RANBP2: variants seen among roughly 807,000 people sequenced by gnomAD.
RANBP2 encodes the protein RAN binding protein 2, also known as E3 SUMO-protein ligase RanBP2.
A neutral mutation model predicts 303.6 loss-of-function variants in RANBP2; 57 were observed. The observed-to-expected ratio is 0.19, with a 90% CI of 0.15 to 0.23. RANBP2 has a LOEUF of 0.23. RANBP2 is among the 10% of genes least tolerant of loss of function. The pLI is 1.00. For synonymous variants in RANBP2, 1,167 were observed against 1,301.5 expected, an observed-to-expected ratio of 0.90 and a Z score of 2.23; for missense variants, 3,138 against 3,780.8, an observed-to-expected ratio of 0.83 and a Z score of 4.46.
At position 108,719,504 on chromosome 2, in the gene RANBP2, G is replaced by T; in HGVS notation, c.-103G>T. 6.6e-7 allele frequency: 1 copy of T among 1,526,626 alleles called. No homozygotes were observed. The highest frequency in any genetic ancestry group is 8.8e-7 in the Non-Finnish European group (1 of 1,133,444). 94.6% of individuals were successfully genotyped at this position (1,526,626 alleles called of 1,614,324 possible). ...GTCACAGTGGTCCTCCGCCGGCTACGGCGCTGCGTCACTGGTTTGCAGGCG... is the reference window on the plus strand; with the variant it reads ...GTCACAGTGGTCCTCCGCCGGCTACTGCGCTGCGTCACTGGTTTGCAGGCG... On this transcript the variant is annotated 5_prime_UTR_variant, in exon 1 of 29. Coordinates refer to ENST00000283195, the MANE Select transcript of RANBP2 (RefSeq NM_006267.5).
the RANBP2 span, among the ~76,000 whole-genome samples, chr2:109,240,856 CT>C: frequency 6.6e-6 from 1 of 150,526 alleles, no homozygotes; most frequent in African/African-American, 2.5e-5. Context: ...ACCCCCACCC[CT>C]GCCCTTGGGA....
At chr2:109,375,306 A>T in the RANBP2 span, among the ~76,000 whole-genome samples, 3,898 of 152,270 alleles carry the variant, frequency 0.026, 116 homozygotes, top group African/African-American at 0.063. Context: ...TGCAAAAGGA[A>T]GTGAGAAACT....
the RANBP2 span, among the ~76,000 whole-genome samples, chr2:109,480,677 G>C: frequency 6.6e-6 from 1 of 152,184 alleles, no homozygotes; most frequent in Admixed American, 6.5e-5. Context: ...GGCATGTGGA[G>C]GGGTGGAGCA....
chr2:109,057,171 A>G, the RANBP2 span, among the ~76,000 whole-genome samples: 2 of 152,184 alleles, frequency 1.3e-5, no homozygotes, highest in African/African-American at 2.4e-5. Flanking sequence ...TGAGAATGTC[A>G]TTATGCATAA....
the RANBP2 span, among the ~76,000 whole-genome samples, chr2:109,154,414 TC>T: frequency 6.6e-6 from 1 of 152,196 alleles, no homozygotes. Flanking sequence ...GCTGCCATTG[TC>T]TGCCAGTGTT....
At chr2:109,514,361 C>T in the RANBP2 span, among the ~76,000 whole-genome samples, 2 of 152,144 alleles carry the variant, frequency 1.3e-5, no homozygotes, top group African/African-American at 4.8e-5. Context: ...AACGCAGCCC[C>T]GGGTGTGCGA....
At chr2:109,522,443 C>T in the RANBP2 span, among the ~76,000 whole-genome samples, 2 of 152,180 alleles carry the variant, frequency 1.3e-5, no homozygotes, top group South Asian at 2.1e-4. Flanking sequence ...ATTACAGGCA[C>T]CTGCCACCAT....
At chr2:109,024,326 T>G in the RANBP2 span, among the ~76,000 whole-genome samples, 1,027 of 152,312 alleles carry the variant, frequency 6.7e-3, 28 homozygotes, top group East Asian at 0.078. Context: ...CCTTATTCTA[T>G]AAAAAGACAA....
the RANBP2 span, chr2:109,437,153 T>A: frequency 1.2e-6 from 2 of 1,604,682 alleles, no homozygotes; most frequent in African/African-American, 2.7e-5. Flanking sequence ...ACAGGTACCT[T>A]CACAGGGGCC....
chr2:109,546,518 G>A, the RANBP2 span, among the ~76,000 whole-genome samples: 10 of 151,358 alleles, frequency 6.6e-5, no homozygotes, highest in African/African-American at 1.2e-4. Context: ...TTATTTTCTC[G>A]GTGTGTATTT....
the RANBP2 span, among the ~76,000 whole-genome samples, chr2:109,125,000 A>T: frequency 2.0e-5 from 3 of 152,374 alleles, no homozygotes; most frequent in South Asian, 6.2e-4. Flanking sequence ...GATTTAACGA[A>T]AAAGAAACTA....
the RANBP2 span, among the ~76,000 whole-genome samples, chr2:109,680,119 G>A: frequency 6.5e-4 from 99 of 151,596 alleles, no homozygotes; most frequent in East Asian, 0.018. Context: ...GCTGAGGCAG[G>A]CAGATCACGA....
chr2:109,388,270 C>G, the RANBP2 span, among the ~76,000 whole-genome samples: 1 of 152,312 alleles, frequency 6.6e-6, no homozygotes, highest in South Asian at 2.1e-4. Context: ...GTAGCACTTT[C>G]ATTCAATTTT....
the RANBP2 span, among the ~76,000 whole-genome samples, chr2:108,982,749 A>T: frequency 6.6e-6 from 1 of 152,142 alleles, no homozygotes; most frequent in East Asian, 1.9e-4. Context: ...ATTGACTCAA[A>T]ACCGAGTGTC....
the RANBP2 span, chr2:109,616,251 A>AT: frequency 1.1e-6 from 1 of 943,630 alleles, no homozygotes; most frequent in African/African-American, 1.7e-5. Flanking sequence ...TTTTTCAGAG[A>AT]TTCATCATAC....
the RANBP2 span, among the ~76,000 whole-genome samples, chr2:108,908,438 C>T: frequency 2.0e-5 from 3 of 152,186 alleles, no homozygotes; most frequent in East Asian, 3.9e-4. Flanking sequence ...CAGATTGATG[C>T]AGCTGGCGCT....
chr2:108,929,376 AG>A, the RANBP2 span: 1 of 1,614,076 alleles, frequency 6.2e-7, no homozygotes, highest in Non-Finnish European at 8.5e-7. Context: ...CCGTAGCCAC[AG>A]GACTGTCCAG....
the RANBP2 span, among the ~76,000 whole-genome samples, chr2:109,405,208 T>C: frequency 6.6e-6 from 1 of 152,148 alleles, no homozygotes; most frequent in African/African-American, 2.4e-5. Context: ...ACGCCTCAAC[T>C]TCAGCGCATG....
At chr2:109,295,069 A>G in the RANBP2 span, among the ~76,000 whole-genome samples, 1 of 152,258 alleles carries the variant, frequency 6.6e-6, no homozygotes. Context: ...ACTGTTGTCC[A>G]TGTCACAGAT....
Sources: allele counts gnomAD v4.1 joint callset (sites outside exome capture counted in the v4.1 genomes callset), GRCh38; gene constraint gnomAD v4.1.1; transcripts MANE v1.5; gene names NCBI Gene and HGNC (gene_info 2026-07-23, HGNC 2026-07-21).